DAB2IP: variants seen among roughly 807,000 people sequenced by gnomAD.
DAB2IP encodes the protein disabled homolog 2-interacting protein.
Under a neutral mutation model 107.2 loss-of-function variants are expected in DAB2IP, and 28 were observed. The observed-to-expected ratio is 0.26, with a 90% CI of 0.19 to 0.36. DAB2IP has a LOEUF of 0.36. Ranked by LOEUF, DAB2IP falls within the 10% of genes least tolerant of loss-of-function variation. The probability of loss-of-function intolerance (pLI) is 1.00; values close to 1 mark genes in which losing one functional copy is unlikely to be tolerated. For synonymous variants in DAB2IP, 755 were observed against 706.4 expected (o/e 1.07, Z -1.09); for missense variants, 1,400 against 1,644.7 (o/e 0.85, Z 2.57).
intron 1 of DAB2IP, among the ~76,000 whole-genome samples, chr9:121,601,414 A>T (rs1466749018): frequency 2.0e-5 from 3 of 152,128 alleles, no homozygotes; most frequent in Non-Finnish European, 4.4e-5. Context: ...CATGATTGGG[A>T]AACTCTTGGT....
chr9:121,579,035 G>T (rs1186210092), intron 1 of DAB2IP, among the ~76,000 whole-genome samples: 1 of 151,994 alleles, frequency 6.6e-6, no homozygotes, highest in Non-Finnish European at 1.5e-5. Flanking sequence ...CAGTCCTCTC[G>T]GGTGAGGCTC....
intron 1 of DAB2IP, among the ~76,000 whole-genome samples, chr9:121,590,877 A>T (rs952140469): frequency 7.2e-5 from 11 of 152,298 alleles, no homozygotes; most frequent in South Asian, 4.1e-4. Context: ...CGGGAGCATG[A>T]CACATCCATC....
At chr9:121,686,950 G>A (rs1487828126) in intron 2 of DAB2IP, among the ~76,000 whole-genome samples, 1 of 152,234 alleles carries the variant, frequency 6.6e-6, no homozygotes, top group African/African-American at 2.4e-5. Flanking sequence ...AAGGTGGAGA[G>A]GGGCTGGAGG....
rs772411327 is a variant in DAB2IP at position 121,657,116 on chromosome 9, C to A, written c.124+5217C>A. Among the ~76,000 whole-genome samples the A allele has an allele frequency of 3.9e-5, 6 of 152,208 alleles. No homozygotes were observed. In the East Asian group the frequency reaches 1.2e-3, roughly 29 times the overall value. The stretch of plus-strand genomic sequence containing the variant: ...GTGGGACCTCCCCGGCCTGCCCCTG[C>A]CCCCTGGATCCTGCTGTCATTCATG... On this transcript the variant is annotated intron_variant, in intron 1 of 15. Transcript: ENST00000408936.
exon 2 of DAB2IP, chr9:121,678,767 C>T (rs773821924): frequency 1.9e-6 from 3 of 1,595,040 alleles, no homozygotes; most frequent in East Asian, 2.3e-5. Context: ...GGCCGCCACG[C>T]CGTTCCGGGT....
At chr9:121,785,114 A>T (rs1313436440) in exon 16 of DAB2IP, 2 of 152,662 alleles carry the variant, frequency 1.3e-5, no homozygotes, top group African/African-American at 4.8e-5. Flanking sequence ...GGAAACTGCC[A>T]AACCTCCTGT....
chr9:121,676,436 G>T lies in DAB2IP; in HGVS notation c.125-2242G>T, dbSNP rs145838383. Among the ~76,000 whole-genome samples, 716 of 152,266 alleles carry T rather than the reference G, an allele frequency of 4.7e-3. 4 individuals carry two copies. Among genetic ancestry groups the T allele is most frequent in the Non-Finnish European group, 7.6e-3 (514 of 68,018 alleles). ...TCTGCATGAATATAAACATGCACAT[G>T]TGTTTGTCTGGGCATTACCGTCTCA... On this transcript the variant is annotated intron_variant, in intron 1 of 15. Transcript: ENST00000408936.
At chr9:121,691,988 G>C (rs953683241) in intron 2 of DAB2IP, among the ~76,000 whole-genome samples, 3 of 152,144 alleles carry the variant, frequency 2.0e-5, no homozygotes, top group Non-Finnish European at 2.9e-5. Flanking sequence ...CAAACAAATT[G>C]TCCAAAGTGA....
At chr9:121,705,238 TGTTTGTCTGTGTAC>T (rs1209268160) in intron 3 of DAB2IP, among the ~76,000 whole-genome samples, 1 of 152,166 alleles carries the variant, frequency 6.6e-6, no homozygotes, top group East Asian at 1.9e-4. Context: ...CACAAGCATA[TGTTTGTCTGTGTAC>T]GTCTTTTGTA....
upstream of DAB2IP, among the ~76,000 whole-genome samples, chr9:121,646,611 C>T (rs912404262): frequency 2.0e-5 from 3 of 151,518 alleles, no homozygotes; most frequent in South Asian, 2.1e-4. Context: ...GGGGACTTCC[C>T]CGGTCACCAC....
intron 3 of DAB2IP, among the ~76,000 whole-genome samples, chr9:121,740,163 G>C (rs954853443): frequency 5.9e-5 from 9 of 152,150 alleles, no homozygotes; most frequent in Non-Finnish European, 1.2e-4. Flanking sequence ...GGGCCAGGGA[G>C]GGGCCTGAAT....
intron 1 of DAB2IP, among the ~76,000 whole-genome samples, chr9:121,605,513 T>C (rs1341544277): frequency 6.6e-6 from 1 of 151,706 alleles, no homozygotes; most frequent in East Asian, 2.0e-4. Flanking sequence ...TGTTGGTTTT[T>C]TTTGAGACAG....
intron 3 of DAB2IP, among the ~76,000 whole-genome samples, chr9:121,700,257 C>T (rs953811458): frequency 1.3e-5 from 2 of 151,982 alleles, no homozygotes; most frequent in East Asian, 3.9e-4. Context: ...GTTCAACCTG[C>T]CGGGAGACGC....
At chr9:121,700,401 A>C (rs1829709031) in intron 3 of DAB2IP, among the ~76,000 whole-genome samples, 1 of 152,170 alleles carries the variant, frequency 6.6e-6, no homozygotes, top group Admixed American at 6.5e-5. Flanking sequence ...ACTTAGGCAC[A>C]GGCATGGTGA....
intron 1 of DAB2IP, 83 bp from the exon 2 acceptor site, chr9:121,678,595 G>A (rs926574380): frequency 1.7e-6 from 2 of 1,194,436 alleles, no homozygotes; most frequent in Non-Finnish European, 1.1e-6. Context: ...CTGTTGTCCT[G>A]ACTGGGATGG....
intron 3 of DAB2IP, among the ~76,000 whole-genome samples, chr9:121,717,685 A>G (rs1007373381): frequency 6.6e-6 from 1 of 152,128 alleles, no homozygotes; most frequent in Non-Finnish European, 1.5e-5. Flanking sequence ...CATGCCGGGC[A>G]CTGAGAGGAG....
chr9:121,719,318 G>A (rs979574726), intron 3 of DAB2IP, among the ~76,000 whole-genome samples: 30 of 152,128 alleles, frequency 2.0e-4, no homozygotes, highest in Non-Finnish European at 1.0e-4. Context: ...GGAAGGAGTC[G>A]GGCCATCTCT....
chr9:121,676,069 T>C (rs916101746), intron 1 of DAB2IP, among the ~76,000 whole-genome samples: 11 of 152,182 alleles, frequency 7.2e-5, no homozygotes, highest in Non-Finnish European at 2.9e-5. Context: ...GGAAGGGAGC[T>C]TTTCTGGAAG....
At chr9:121,734,334 G>A (rs913096805) in intron 3 of DAB2IP, among the ~76,000 whole-genome samples, 1 of 149,468 alleles carries the variant, frequency 6.7e-6, no homozygotes, top group Non-Finnish European at 1.5e-5. Context: ...CCGAGATTGC[G>A]CCATTGCAGT....
Sources: allele counts gnomAD v4.1 joint callset (sites outside exome capture counted in the v4.1 genomes callset), GRCh38; gene constraint gnomAD v4.1.1; transcripts MANE v1.5; gene names NCBI Gene and HGNC (gene_info 2026-07-23, HGNC 2026-07-21).